MYH15: variants seen among roughly 807,000 people sequenced by gnomAD.
The protein encoded by MYH15 is myosin-15.
In MYH15, 227 loss-of-function variants were observed where a neutral mutation model predicts 240.5. That is an observed-to-expected ratio of 0.94 (90% CI 0.85 to 1.05). MYH15 has a LOEUF of 1.05. Among genes scored for constraint, MYH15 ranks in the 50% least tolerant of loss-of-function variants. The pLI is 0.00. For missense variants in MYH15, 2,217 were observed against 2,247.5 expected, an observed-to-expected ratio of 0.99 and a Z score of 0.27; for synonymous variants, 785 against 796.7, an observed-to-expected ratio of 0.99 and a Z score of 0.25.
At chr3:108,458,892 A>C (rs2083047418) in intron 18 of MYH15, among the ~76,000 whole-genome samples, 1 of 152,184 alleles carries the variant, frequency 6.6e-6, no homozygotes, top group South Asian at 2.1e-4. Flanking sequence ...AGATGTTGGC[A>C]TTGGCAAGGA....
chr3:108,382,581 T>G (rs938825506), intron 40 of MYH15, among the ~76,000 whole-genome samples: 40 of 152,166 alleles, frequency 2.6e-4, no homozygotes, highest in African/African-American at 9.7e-4. Context: ...TGGAGTGAAC[T>G]CTTTCCATAG....
chr3:108,521,509 T>G (rs2083617624), intron 1 of MYH15, among the ~76,000 whole-genome samples: 1 of 152,168 alleles, frequency 6.6e-6, no homozygotes, highest in African/African-American at 2.4e-5. Flanking sequence ...TATTAACCAT[T>G]TCCCACTGAG....
Position 108,470,720 on chromosome 3 carries a change from A to C in MYH15, c.1361T>G (p.Ile454Ser). 2 of 1,613,772 alleles carry C rather than the reference A, an allele frequency of 1.2e-6. No homozygotes were observed. The highest frequency in any genetic ancestry group is 1.7e-6 in the Non-Finnish European group (2 of 1,179,834). ...SRQFFIGILD[I>S]TGFEILEYNS... ...TACCTCAAGGATTTCAAAACCAGTGATGTCAAGAATGCCAATGAAGAACTG... is the reference window on the plus strand; with the variant it reads ...TACCTCAAGGATTTCAAAACCAGTGCTGTCAAGAATGCCAATGAAGAACTG... The change falls in exon 13 of 41, where the codon ATC becomes AGC. Residue 454 changes from isoleucine (I) to serine (S), a missense_variant. Transcript: ENST00000693548.
At chr3:108,407,090 A>G (rs547092848) in intron 32 of MYH15, among the ~76,000 whole-genome samples, 1 of 152,338 alleles carries the variant, frequency 6.6e-6, no homozygotes, top group South Asian at 2.1e-4. Context: ...AACGAAAAGG[A>G]GTCTGTATAA....
At chr3:108,400,522 G>A (rs1451695941) in intron 33 of MYH15, among the ~76,000 whole-genome samples, 2 of 152,186 alleles carry the variant, frequency 1.3e-5, no homozygotes, top group Non-Finnish European at 2.9e-5. Context: ...TAAGCTCTGT[G>A]AGGTCGATTA....
intron 35 of MYH15, among the ~76,000 whole-genome samples, chr3:108,395,287 A>T (rs1252474253): frequency 1.3e-5 from 2 of 152,224 alleles, no homozygotes; most frequent in Admixed American, 6.5e-5. Context: ...AAAATAAAAA[A>T]TAGAATGATA....
intron 1 of MYH15, among the ~76,000 whole-genome samples, chr3:108,509,692 T>C (rs1358012211): frequency 1.3e-5 from 2 of 152,242 alleles, no homozygotes; most frequent in Non-Finnish European, 2.9e-5. Context: ...CTTCATGTTA[T>C]ATCATACTGT....
upstream of MYH15, among the ~76,000 whole-genome samples, chr3:108,514,112 C>T (rs1008492933): frequency 6.6e-6 from 1 of 152,154 alleles, no homozygotes; most frequent in African/African-American, 2.4e-5. Flanking sequence ...GTTGGTCTGA[C>T]CTAGCTGCCT....
chr3:108,410,491 A>G, intron 31 of MYH15, 92 bp downstream of exon 31: 1 of 831,242 alleles, frequency 1.2e-6, no homozygotes, highest in Non-Finnish European at 1.8e-6. Flanking sequence ...ACATGTTGGG[A>G]ATGTGAAAAT....
chr3:108,403,965 T>A (rs951562554), intron 33 of MYH15, among the ~76,000 whole-genome samples: 6 of 147,596 alleles, frequency 4.1e-5, no homozygotes, highest in African/African-American at 1.5e-4. Context: ...CTGATATTAC[T>A]TGAAATCAGT....
At chr3:108,418,005 T>C (rs766649870) in intron 28 of MYH15, among the ~76,000 whole-genome samples, 1 of 152,234 alleles carries the variant, frequency 6.6e-6, no homozygotes, top group Non-Finnish European at 1.5e-5. Context: ...ACATGTTTTC[T>C]AAAATATAAT....
At position 108,414,584 on chromosome 3, in the gene MYH15, TGAGAC is replaced by T. The variant is rs2082619979; in HGVS notation, c.3949-161_3949-157del. On this transcript the variant is annotated intron_variant, in intron 29 of 40. Coordinates refer to ENST00000693548, the MANE Select transcript of MYH15 (RefSeq NM_014981.3). ...GTAAGATAACACTAGGGAGAGAATT[TGAGAC>T]AAGAGAAAGGATAGATAGTATCTAA... Among the ~76,000 whole-genome samples the T allele has an allele frequency of 3.3e-5, 5 of 152,224 alleles. No homozygotes were observed. In the South Asian group the frequency reaches 1.0e-3, roughly 32 times the overall value.
chr3:108,395,397 T>C (rs1255900705), intron 35 of MYH15, among the ~76,000 whole-genome samples: 1 of 152,226 alleles, frequency 6.6e-6, no homozygotes, highest in Non-Finnish European at 1.5e-5. Context: ...AGGCCCTGTA[T>C]ACCTCCTAGA....
the MYH15 span, chr3:108,550,742 T>A: frequency 6.6e-6 from 1 of 151,994 alleles, no homozygotes; most frequent in African/African-American, 2.4e-5. Flanking sequence ...CTCTCTATAT[T>A]TTTATTTTGT....
chr3:108,437,868 G>A (rs1315978234), intron 24 of MYH15, among the ~76,000 whole-genome samples, 169 bp from the exon 25 acceptor site: 2 of 152,130 alleles, frequency 1.3e-5, no homozygotes, highest in African/African-American at 4.8e-5. Flanking sequence ...ATGTCAATAG[G>A]TTAACAAAAG....
chr3:108,529,086 A>C (rs1315444873), intron 1 of MYH15, among the ~76,000 whole-genome samples: 3 of 152,224 alleles, frequency 2.0e-5, no homozygotes, highest in African/African-American at 2.4e-5. Flanking sequence ...CAGACCGGCT[A>C]CATTTATGTC....
intron 16 of MYH15, among the ~76,000 whole-genome samples, 160 bp downstream of exon 16, chr3:108,462,951 A>T (rs2083083492): frequency 6.6e-6 from 1 of 152,140 alleles, no homozygotes; most frequent in Non-Finnish European, 1.5e-5. Flanking sequence ...CTCCCTGAAG[A>T]ACCCCCAGCC....
In MYH15 at chr3:108,381,349, G is replaced by T; in HGVS notation, c.*196C>A. On this transcript the variant is annotated 3_prime_UTR_variant, in exon 41 of 41. Coordinates refer to ENST00000693548, the MANE Select transcript of MYH15 (RefSeq NM_014981.3). Reference sequence around the variant, plus strand: ...ATTAGAAGGTAGTTTACTTGCATTTGAGGATCAAAAAATCCCCATTAACTG... The same window carrying T: ...ATTAGAAGGTAGTTTACTTGCATTTTAGGATCAAAAAATCCCCATTAACTG... 1 of 627,464 alleles carries T rather than the reference G, an allele frequency of 1.6e-6. No individual in the cohort carries two copies. 38.9% of individuals were successfully genotyped at this position (627,464 alleles called of 1,614,324 possible).
intron 1 of MYH15, among the ~76,000 whole-genome samples, chr3:108,506,815 G>A (rs571368905): frequency 7.4e-4 from 112 of 152,242 alleles, no homozygotes; most frequent in African/African-American, 2.6e-3. Flanking sequence ...GGCAGATCAC[G>A]AGGTCAGGAG....
Sources: gnomAD v4.1 joint callset for allele counts (sites outside exome capture counted in the v4.1 genomes callset) on GRCh38, gnomAD v4.1.1 for gene constraint, MANE v1.5 for transcripts, NCBI Gene and HGNC (gene_info 2026-07-23, HGNC 2026-07-21) for gene names.